Variants in TDRD9 observed in about 807,000 individuals in gnomAD.
The protein encoded by TDRD9 is tudor domain containing 9.
In TDRD9, 124 loss-of-function variants were observed where a neutral mutation model predicts 172.6. The ratio of observed to expected loss-of-function variants is 0.72; its 90% CI spans 0.62 to 0.83. TDRD9 has a LOEUF of 0.83. Ranked by LOEUF, TDRD9 falls within the 40% of genes least tolerant of loss-of-function variation. The pLI, the probability that TDRD9 is intolerant of heterozygous loss-of-function variation, is 0.00. For missense variants in TDRD9, 1,479 were observed against 1,714.1 expected, an observed-to-expected ratio of 0.86 and a Z score of 2.42; for synonymous variants, 619 against 617.1, an observed-to-expected ratio of 1.00 and a Z score of -0.05.
At chr14:103,941,087 C>T in intron 1 of TDRD9, 1 of 1,533,084 alleles carries the variant, frequency 6.5e-7, no homozygotes. Flanking sequence ...TCATTTTCTG[C>T]CAAAACTTCT....
At chr14:103,947,555 C>T (rs1442703238) in intron 1 of TDRD9, among the ~76,000 whole-genome samples, 6 of 152,074 alleles carry the variant, frequency 3.9e-5, no homozygotes, top group Non-Finnish European at 7.4e-5. Context: ...TCTGGATCTC[C>T]TGACCTCGTG....
chr14:103,968,243 C>T (rs1026455736), intron 5 of TDRD9, among the ~76,000 whole-genome samples: 3 of 152,222 alleles, frequency 2.0e-5, no homozygotes, highest in African/African-American at 4.8e-5. Flanking sequence ...AGAAGACCAT[C>T]GCGCCATCAC....
At chr14:104,007,625 C>T (rs2034483968) in intron 19 of TDRD9, among the ~76,000 whole-genome samples, 1 of 146,874 alleles carries the variant, frequency 6.8e-6, no homozygotes, top group Non-Finnish European at 1.5e-5. Context: ...TAATCTGTTA[C>T]CCTCCATTTT....
At chr14:104,005,737 A>G (rs1281144360) in intron 15 of TDRD9, among the ~76,000 whole-genome samples, 4 of 152,200 alleles carry the variant, frequency 2.6e-5, no homozygotes, top group Admixed American at 1.3e-4. Flanking sequence ...CCTAGTGTAC[A>G]TACTGTGCTG....
chr14:103,966,062 G>A (rs953443256), intron 4 of TDRD9, among the ~76,000 whole-genome samples: 3 of 152,108 alleles, frequency 2.0e-5, no homozygotes, highest in Non-Finnish European at 4.4e-5. Context: ...TGGGCATGGC[G>A]GCTCACGCCT....
At chr14:104,003,737 C>A in intron 13 of TDRD9, among the ~76,000 whole-genome samples, 1 of 152,170 alleles carries the variant, frequency 6.6e-6, no homozygotes, top group South Asian at 2.1e-4. Flanking sequence ...TCTGCTTGTT[C>A]CTCACTCGGT....
intron 1 of TDRD9, among the ~76,000 whole-genome samples, chr14:103,939,056 C>T (rs1314257324): frequency 5.3e-5 from 8 of 152,132 alleles, no homozygotes; most frequent in South Asian, 2.1e-4. Flanking sequence ...GATTCGTTTT[C>T]ATCCTGAACT....
At chr14:103,946,801 G>A (rs1025581412) in intron 1 of TDRD9, among the ~76,000 whole-genome samples, 5 of 152,146 alleles carry the variant, frequency 3.3e-5, no homozygotes, top group African/African-American at 1.2e-4. Flanking sequence ...ATTGGTAATA[G>A]CATCAAAAAG....
At chr14:104,037,447 ATG>A (rs1290308928) in intron 32 of TDRD9, among the ~76,000 whole-genome samples, 1 of 152,168 alleles carries the variant, frequency 6.6e-6, no homozygotes, top group African/African-American at 2.4e-5. Flanking sequence ...CTCCCTCCAC[ATG>A]TGTCACTGTC....
chr14:103,961,319 G>T (rs1401026632), intron 2 of TDRD9, among the ~76,000 whole-genome samples: 1 of 152,180 alleles, frequency 6.6e-6, no homozygotes, highest in Non-Finnish European at 1.5e-5. Context: ...GGTGGCTCAT[G>T]CCTGTAATCT....
At chr14:103,971,843 G>A (rs2033046574) in intron 6 of TDRD9, among the ~76,000 whole-genome samples, 1 of 152,040 alleles carries the variant, frequency 6.6e-6, no homozygotes, top group Non-Finnish European at 1.5e-5. Flanking sequence ...GGTTGAATAA[G>A]TACCACAGTT....
chr14:103,941,448 T>TC, intron 1 of TDRD9: 1 of 1,535,348 alleles, frequency 6.5e-7, no homozygotes. Context: ...GCAAAGAACT[T>TC]CAAGTTGTCT....
intron 1 of TDRD9, among the ~76,000 whole-genome samples, chr14:103,936,555 T>TGG (rs1240168888): frequency 6.6e-6 from 1 of 152,248 alleles, no homozygotes; most frequent in Non-Finnish European, 1.5e-5. Context: ...AGTGTGTATA[T>TGG]GGGTATACAA....
intron 8 of TDRD9, among the ~76,000 whole-genome samples, chr14:103,987,446 T>C (rs2033712665): frequency 6.6e-6 from 1 of 152,212 alleles, no homozygotes; most frequent in Non-Finnish European, 1.5e-5. Flanking sequence ...TCTGCTATGT[T>C]GTGTCTTCAT....
In TDRD9 at chr14:104,026,215, CCCTG is replaced by C. The variant is rs2035113034; in HGVS notation, c.3021+83_3021+86del. On this transcript the variant is annotated intron_variant, in intron 27 of 35. Coordinates refer to ENST00000409874, the MANE Select transcript of TDRD9 (RefSeq NM_153046.3). ...GGGTGGATTCCTGGGTCATATGGTG[CCCTG>C]CCTCGGCTTACAGCTAGGGGAGCCA... 4 of 1,000,456 alleles carry C rather than the reference CCCTG, an allele frequency of 4.0e-6. No homozygotes were observed. In the South Asian group the frequency reaches 5.6e-5, roughly 14 times the overall value. 62.0% of individuals were successfully genotyped at this position (1,000,456 alleles called of 1,614,324 possible).
At chr14:103,998,062 A>G (rs1057236332) in intron 12 of TDRD9, among the ~76,000 whole-genome samples, 7 of 151,964 alleles carry the variant, frequency 4.6e-5, no homozygotes, top group African/African-American at 1.5e-4. Flanking sequence ...TGAGGGGGAA[A>G]GGTGTGGTGG....
intron 7 of TDRD9, among the ~76,000 whole-genome samples, chr14:103,981,484 A>G (rs1321558287): frequency 1.3e-5 from 2 of 152,216 alleles, no homozygotes; most frequent in Non-Finnish European, 2.9e-5. Flanking sequence ...CAGCTTTAGC[A>G]AGATTTATCC....
chr14:103,998,886 G>C (rs45487593), intron 13 of TDRD9, among the ~76,000 whole-genome samples, 158 bp downstream of exon 13: 7,021 of 151,902 alleles, frequency 0.046, 226 homozygotes, highest in Middle Eastern at 0.085. Context: ...TCCGCTTCCC[G>C]GGTTCTTGCC....
intron 1 of TDRD9, among the ~76,000 whole-genome samples, chr14:103,935,144 T>C (rs1286747663): frequency 6.6e-6 from 1 of 152,226 alleles, no homozygotes; most frequent in Non-Finnish European, 1.5e-5. Context: ...ATTTTGGACT[T>C]GTACCTCTAT....
Sources: gnomAD v4.1 joint callset for allele counts (sites outside exome capture counted in the v4.1 genomes callset) on GRCh38, gnomAD v4.1.1 for gene constraint, MANE v1.5 for transcripts, NCBI Gene and HGNC (gene_info 2026-07-23, HGNC 2026-07-21) for gene names.